ERCC6: variants seen among roughly 807,000 people sequenced by gnomAD.
ERCC6 encodes ERCC excision repair 6, chromatin remodeling factor, also known as DNA excision repair protein ERCC-6.
Under a neutral mutation model 158.7 loss-of-function variants are expected in ERCC6, and 116 were observed. The ratio of observed to expected loss-of-function variants is 0.73; its 90% confidence interval spans 0.63 to 0.85. The LOEUF is 0.85. Among genes scored for constraint, ERCC6 ranks in the 40% least tolerant of loss-of-function variants. The pLI is 0.00. For synonymous variants in ERCC6, 678 were observed against 659.3 expected, an observed-to-expected ratio of 1.03 and a Z score of -0.43; for missense variants, 1,698 against 1,799.4, an observed-to-expected ratio of 0.94 and a Z score of 1.02.
chr10:49,458,578 T>C lies in ERCC6; in HGVS notation c.*237A>G, dbSNP rs1850521127. On this transcript the variant is annotated 3_prime_UTR_variant, in exon 21 of 21. Transcript: ENST00000355832. ...GTACCTGATTTACAATATAATTAGA[T>C]TGCCAAAAAAAAAAAAATCAATCCA... The C allele has an allele frequency of 3.3e-5, 17 of 520,636 alleles. No homozygotes were observed. Among genetic ancestry groups the C allele is most frequent in the South Asian group, 3.2e-4 (14 of 44,178 alleles). 32.3% of individuals were successfully genotyped at this position (520,636 alleles called of 1,614,324 possible).
intron 11 of ERCC6, among the ~76,000 whole-genome samples, chr10:49,477,103 A>G (rs1299926188): frequency 6.6e-6 from 1 of 152,090 alleles, no homozygotes; most frequent in Non-Finnish European, 1.5e-5. Flanking sequence ...ACAAGCCCAG[A>G]GCAACTGTGC....
In ERCC6 at chr10:49,472,405, C is replaced by T. The variant is rs564010970; in HGVS notation, c.2895G>A (p.Ala965=). Residue 965 remains alanine (A), a synonymous_variant, in exon 16 of 21, where the codon GCG becomes GCA. Transcript: ENST00000355832. The stretch of plus-strand genomic sequence containing the variant: ...GGTAGATCTTTTCTTCAATGGTGCC[C>T]GCAGTCAGGAGCCTGTACACAGTCA... ...KQVTVYRLLT[A]GTIEEKIYHR... 8.7e-6 allele frequency: 14 copies of T among 1,614,076 alleles called. No individual in the cohort carries two copies. The East Asian group carries it at 8.9e-5, about 10-fold the overall frequency.
chr10:49,467,731 A>G (rs1850703075), intron 18 of ERCC6, among the ~76,000 whole-genome samples: 2 of 145,482 alleles, frequency 1.4e-5, no homozygotes, highest in East Asian at 2.0e-4. Context: ...ACACCCGGCT[A>G]TTTTTTTTTT....
Position 49,524,249 on chromosome 10 carries a change from T to A in ERCC6, c.1181A>T (p.Asp394Val), listed in dbSNP as rs569846055. 6.2e-7 allele frequency: 1 copy of A among 1,614,070 alleles called. No individual in the cohort carries two copies. The highest frequency in any genetic ancestry group is 1.6e-4 in the Middle Eastern group (1 of 6,062). The change falls in exon 5 of 21, where the codon GAC becomes GTC. Residue 394 changes from aspartate to valine, a missense_variant. By Grantham distance (152) the Asp-to-Val change is radical. Coordinates refer to ENST00000355832, the MANE Select transcript of ERCC6 (RefSeq NM_000124.4). ...ATAGTCAGTACCATCTCCAGACAGG[T>A]CCGCCTCTGCCCCCTCCACCTCGTC... ...EDDEVEGAEA[D>V]LSGDGTDYEL... is the part of the protein sequence containing the mutation.
At chr10:49,491,597 A>C (rs1291307627) in intron 8 of ERCC6, among the ~76,000 whole-genome samples, 1 of 152,218 alleles carries the variant, frequency 6.6e-6, no homozygotes, top group African/African-American at 2.4e-5. Context: ...GACAAATTTC[A>C]CCAAATTTAC....
intron 1 of ERCC6, among the ~76,000 whole-genome samples, chr10:49,538,757 T>TGAGCGCCAAG (rs1197073638): frequency 6.6e-6 from 1 of 152,130 alleles, no homozygotes; most frequent in Admixed American, 6.5e-5. Context: ...CCGCCTCAGG[T>TGAGCGCCAAG]GAGCGCTCCT....
In ERCC6 at chr10:49,528,416, C is replaced by A. The variant is rs1194683474; in HGVS notation, c.652+1G>T. The stretch of plus-strand genomic sequence containing the variant: ...AGAGAAACTGCTCCTAGCATCCTCA[C>A]CTGCATCCTCCTCCAGACTGGCGTG... On this transcript the variant is annotated splice_donor_variant, in intron 4 of 20. Coordinates refer to ENST00000355832, the MANE Select transcript of ERCC6 (RefSeq NM_000124.4). LOFTEE classifies it high-confidence loss of function. 1 of 1,614,208 alleles carries A rather than the reference C, an allele frequency of 6.2e-7. No individual in the cohort carries two copies. The highest frequency in any genetic ancestry group is 8.5e-7 in the Non-Finnish European group (1 of 1,180,022).
intron 8 of ERCC6, among the ~76,000 whole-genome samples, chr10:49,490,721 G>A (rs1233036112): frequency 2.0e-5 from 3 of 152,140 alleles, no homozygotes; most frequent in Admixed American, 6.5e-5. Flanking sequence ...CTACTTGAAC[G>A]ATAAACAAAA....
the ERCC6 span, among the ~76,000 whole-genome samples, chr10:49,445,768 A>T: frequency 6.6e-6 from 1 of 152,240 alleles, no homozygotes; most frequent in Non-Finnish European, 1.5e-5. Context: ...AGAGTGGTCC[A>T]TATTCCCTGA....
At chr10:49,461,199 C>T (rs964751718) in intron 19 of ERCC6, among the ~76,000 whole-genome samples, 153 bp downstream of exon 19, 9 of 152,228 alleles carry the variant, frequency 5.9e-5, no homozygotes, top group African/African-American at 1.9e-4. Context: ...AACAGTATTT[C>T]TCCAAGTCAC....
intron 8 of ERCC6, among the ~76,000 whole-genome samples, chr10:49,487,119 TA>T (rs1486427141): frequency 1.3e-5 from 2 of 152,172 alleles, no homozygotes; most frequent in Admixed American, 1.3e-4. Context: ...GAACTAGGAT[TA>T]AAATGTGTTT....
intron 8 of ERCC6, among the ~76,000 whole-genome samples, chr10:49,489,856 T>A (rs1215195855): frequency 2.0e-5 from 3 of 152,236 alleles, no homozygotes; most frequent in South Asian, 2.1e-4. Flanking sequence ...CTTCATTTAC[T>A]ACATTTTCTT....
At chr10:49,520,559 G>C (rs1262428464) in intron 5 of ERCC6, among the ~76,000 whole-genome samples, 9 of 152,182 alleles carry the variant, frequency 5.9e-5, no homozygotes, top group Non-Finnish European at 1.3e-4. Flanking sequence ...ACCACTGCTG[G>C]ACAAAGAGGC....
chr10:49,446,308 T>A, the ERCC6 span, among the ~76,000 whole-genome samples: 2 of 151,034 alleles, frequency 1.3e-5, no homozygotes, highest in Non-Finnish European at 1.5e-5. Context: ...AAGAGCAGGA[T>A]CAACAGCAAG....
chr10:49,482,045 C>T (rs2132550841), intron 10 of ERCC6, among the ~76,000 whole-genome samples: 1 of 152,308 alleles, frequency 6.6e-6, no homozygotes, highest in Admixed American at 6.5e-5. Flanking sequence ...TTCAAGGCCC[C>T]ACAGTTCTAG....
intron 1 of ERCC6, among the ~76,000 whole-genome samples, chr10:49,535,460 G>A (rs1837574277): frequency 6.6e-6 from 1 of 152,146 alleles, no homozygotes; most frequent in African/African-American, 2.4e-5. Context: ...CCTTCTTTTG[G>A]GGCCTGCTGA....
chr10:49,531,759 G>A (rs1051999673), intron 2 of ERCC6, among the ~76,000 whole-genome samples: 9 of 152,054 alleles, frequency 5.9e-5, no homozygotes, highest in African/African-American at 1.7e-4. Flanking sequence ...TCATGACAGC[G>A]CCACACTCCA....
At chr10:49,465,825 CCT>C (rs1162909573) in intron 18 of ERCC6, among the ~76,000 whole-genome samples, 1 of 152,178 alleles carries the variant, frequency 6.6e-6, no homozygotes, top group African/African-American at 2.4e-5. Flanking sequence ...GTCAATTAAA[CCT>C]CTTTCTTTTG....
At chr10:49,536,362 A>G (rs538627283) in intron 1 of ERCC6, among the ~76,000 whole-genome samples, 4 of 152,244 alleles carry the variant, frequency 2.6e-5, no homozygotes, top group African/African-American at 9.6e-5. Flanking sequence ...GAGACAGAGG[A>G]GATAACCCAG....
Sources: allele counts gnomAD v4.1 joint callset (sites outside exome capture counted in the v4.1 genomes callset), GRCh38; gene constraint gnomAD v4.1.1; transcripts MANE v1.5; gene names NCBI Gene and HGNC (gene_info 2026-07-23, HGNC 2026-07-21).